The following RAD54L2 variants were observed in gnomAD, a reference collection of about 807,000 sequenced individuals.
RAD54L2 encodes helicase ARIP4.
RAD54L2 carries 27 observed loss-of-function variants against 138.4 expected under a neutral mutation model. That is an observed-to-expected ratio of 0.20 (90% CI 0.14 to 0.27). The LOEUF is 0.27. RAD54L2 is among the 10% of genes least tolerant of loss of function. The pLI, the probability that RAD54L2 is intolerant of heterozygous loss-of-function variation, is 1.00. For synonymous variants in RAD54L2, 644 were observed against 723.2 expected, an observed-to-expected ratio of 0.89 and a Z score of 1.76; for missense variants, 1,396 against 1,890.2, an observed-to-expected ratio of 0.74 and a Z score of 4.85.
intron 3 of RAD54L2, among the ~76,000 whole-genome samples, chr3:51,622,200 C>G (rs1268004658): frequency 1.3e-5 from 2 of 152,152 alleles, no homozygotes; most frequent in African/African-American, 4.8e-5. Flanking sequence ...ACTTGGAGCT[C>G]TACTTTGAAA....
chr3:51,591,197 T>C (rs554767058), intron 3 of RAD54L2, among the ~76,000 whole-genome samples: 1 of 152,348 alleles, frequency 6.6e-6, no homozygotes, highest in African/African-American at 2.4e-5. Flanking sequence ...TGCCCTCAGC[T>C]TCTTGAAATG....
chr3:51,546,769 C>T (rs1553672365), intron 2 of RAD54L2, among the ~76,000 whole-genome samples: 1 of 152,178 alleles, frequency 6.6e-6, no homozygotes, highest in Non-Finnish European at 1.5e-5. Context: ...TGGCTCACGC[C>T]TGTAATCCCA....
intron 3 of RAD54L2, among the ~76,000 whole-genome samples, chr3:51,621,904 T>A (rs1372350082): frequency 6.6e-6 from 1 of 152,170 alleles, no homozygotes; most frequent in Non-Finnish European, 1.5e-5. Context: ...ATATCCTCTC[T>A]TGGGGAGTCT....
chr3:51,657,750 G>T (rs1396427863), intron 21 of RAD54L2, 81 bp downstream of exon 21: 1 of 966,968 alleles, frequency 1.0e-6, no homozygotes, highest in East Asian at 2.7e-5. Context: ...CATATGACTT[G>T]AGCTAGACGG....
chr3:51,554,467 C>T (rs1296539086), intron 2 of RAD54L2, among the ~76,000 whole-genome samples: 3 of 151,148 alleles, frequency 2.0e-5, no homozygotes, highest in Non-Finnish European at 4.4e-5. Context: ...GAGGTTGCAA[C>T]GAGCCGAGAT....
intron 2 of RAD54L2, among the ~76,000 whole-genome samples, chr3:51,566,366 G>A (rs1056891839): frequency 2.0e-5 from 3 of 149,798 alleles, no homozygotes; most frequent in African/African-American, 7.4e-5. Context: ...GTTTCTAGTA[G>A]ACTCCCTTTA....
intron 2 of RAD54L2, among the ~76,000 whole-genome samples, chr3:51,579,598 A>T (rs1047670032): frequency 6.6e-6 from 1 of 152,188 alleles, no homozygotes; most frequent in African/African-American, 2.4e-5. Context: ...TTGTGAATTG[A>T]GGGGGTGAAA....
At chr3:51,660,788 A>C (rs1701746779) in intron 22 of RAD54L2, among the ~76,000 whole-genome samples, 1 of 150,018 alleles carries the variant, frequency 6.7e-6, no homozygotes, top group East Asian at 2.0e-4. Flanking sequence ...CGCCCAGCTA[A>C]CTTTTGTATT....
At chr3:51,561,716 C>A (rs1699103688) in intron 2 of RAD54L2, among the ~76,000 whole-genome samples, 1 of 151,958 alleles carries the variant, frequency 6.6e-6, no homozygotes, top group East Asian at 1.9e-4. Context: ...AGCATGCCAC[C>A]ATTCCTGGCT....
At chr3:51,547,236 A>G (rs1195758561) in intron 2 of RAD54L2, among the ~76,000 whole-genome samples, 3 of 151,840 alleles carry the variant, frequency 2.0e-5, no homozygotes, top group Admixed American at 1.3e-4. Context: ...CCTAGAAGTT[A>G]TGGACCACAT....
intron 2 of RAD54L2, among the ~76,000 whole-genome samples, chr3:51,566,452 A>G (rs1466932912): frequency 9.4e-6 from 1 of 106,760 alleles, no homozygotes; most frequent in Non-Finnish European, 1.9e-5. Flanking sequence ...GAATTTTATC[A>G]CAGCCTTTTC....
intron 2 of RAD54L2, among the ~76,000 whole-genome samples, chr3:51,565,831 C>A (rs1333039202): frequency 6.8e-6 from 1 of 146,828 alleles, no homozygotes; most frequent in South Asian, 2.2e-4. Context: ...CTCCCCCACC[C>A]CCCCCTTTTT....
At chr3:51,625,478 G>A (rs894267049) in intron 3 of RAD54L2, among the ~76,000 whole-genome samples, 2 of 152,074 alleles carry the variant, frequency 1.3e-5, no homozygotes, top group African/African-American at 4.8e-5. Flanking sequence ...AATAATAAAT[G>A]TAGAAGGAAA....
chr3:51,549,653 C>T (rs551804519), intron 2 of RAD54L2, among the ~76,000 whole-genome samples: 7 of 151,880 alleles, frequency 4.6e-5, no homozygotes, highest in Non-Finnish European at 1.0e-4. Flanking sequence ...TGGTACACAC[C>T]TGCAATCCTA....
intron 3 of RAD54L2, among the ~76,000 whole-genome samples, chr3:51,593,659 A>G (rs890330020): frequency 5.3e-5 from 8 of 152,116 alleles, no homozygotes; most frequent in Non-Finnish European, 1.0e-4. Context: ...TTGAAGTTTC[A>G]TCTCTACTGG....
rs760830579 is a variant in RAD54L2, at chr3:51,637,051, C to G, written c.1340-110C>G. ...CCAAGGGGGGCTGACTCTTGCTTTC[C>G]TGCTTCCTTCATTTCTTCTGTCTCC... On this transcript the variant is annotated intron_variant, in intron 10 of 22. Coordinates refer to ENST00000684192, the MANE Select transcript of RAD54L2 (RefSeq NM_015106.4). This position sits in a 1 kb window ranked among gnomAD's most constrained non-coding sequence, Gnocchi z 5.9. 4.0e-6 allele frequency: 4 copies of G among 996,960 alleles called. No individual in the cohort carries two copies. The highest frequency in any genetic ancestry group is 6.0e-6 in the Non-Finnish European group (4 of 665,358). 61.8% of individuals were successfully genotyped at this position (996,960 alleles called of 1,614,324 possible). A position where few individuals can be genotyped will look rare whatever the true frequency, so the allele number is the denominator to read the frequency against.
At chr3:51,574,307 C>G (rs1364987871) in intron 2 of RAD54L2, among the ~76,000 whole-genome samples, 1 of 152,090 alleles carries the variant, frequency 6.6e-6, no homozygotes. Context: ...GATAAACATA[C>G]GTGTGCATGT....
At chr3:51,644,842 G>A (rs1701233064) in intron 16 of RAD54L2, among the ~76,000 whole-genome samples, 182 bp from the exon 17 acceptor site, 1 of 152,192 alleles carries the variant, frequency 6.6e-6, no homozygotes, top group Admixed American at 6.5e-5. Context: ...TTGGATTTCA[G>A]GGCACAATTT....
chr3:51,642,685 G>A (rs149777348), intron 15 of RAD54L2, among the ~76,000 whole-genome samples: 2 of 152,174 alleles, frequency 1.3e-5, no homozygotes, highest in African/African-American at 4.8e-5. Context: ...AAAATGTCCC[G>A]TGGGGAGTGG....
Sources: gnomAD v4.1 joint callset for allele counts (sites outside exome capture counted in the v4.1 genomes callset) on GRCh38, gnomAD v4.1.1 for gene constraint, Gnocchi (gnomAD v3.1) non-coding constraint, MANE v1.5 for transcripts, NCBI Gene and HGNC (gene_info 2026-07-23, HGNC 2026-07-21) for gene names.